Variants in SPIDR observed in about 807,000 individuals in gnomAD.
The protein encoded by SPIDR is scaffold protein involved in DNA repair.
Under a neutral mutation model 104.6 loss-of-function variants are expected in SPIDR, and 93 were observed. The ratio of observed to expected loss-of-function variants is 0.89; its 90% CI spans 0.75 to 1.06. The LOEUF (loss-of-function observed/expected upper bound fraction) is 1.06, where lower values mean the gene tolerates loss of function less well. SPIDR is among the 50% of genes least tolerant of loss of function. The probability of loss-of-function intolerance (pLI) is 0.00; values close to 1 mark genes in which losing one functional copy is unlikely to be tolerated. For synonymous variants in SPIDR, 431 were observed against 416.9 expected, an observed-to-expected ratio of 1.03 and a Z score of -0.41; for missense variants, 1,154 against 1,111.2, an observed-to-expected ratio of 1.04 and a Z score of -0.55.
Position 47,486,514 on chromosome 8 carries a change from T to C in SPIDR, c.1097+45972T>C, listed in dbSNP as rs1192961471. ...GAAATAGAGAACGCCACAAAGATAC[T>C]CCTCGAGAAGAGCAACTCCAAGACA... is the stretch of plus-strand genomic sequence containing the variant. On this transcript the variant is annotated intron_variant, in intron 8 of 19. Coordinates refer to ENST00000297423, the MANE Select transcript of SPIDR (RefSeq NM_001080394.4). Among the ~76,000 whole-genome samples the C allele has an allele frequency of 2.0e-5, 3 of 152,098 alleles. No homozygotes were observed. In the East Asian group the frequency reaches 5.8e-4, roughly 29 times the overall value.
At chr8:47,466,899 AAATAT>A (rs1425257944) in intron 8 of SPIDR, among the ~76,000 whole-genome samples, 1 of 75,370 alleles carries the variant, frequency 1.3e-5, no homozygotes, top group African/African-American at 5.7e-5. Flanking sequence ...AAAAAAAAAA[AAATAT>A]ATATATATAT....
intron 5 of SPIDR, among the ~76,000 whole-genome samples, chr8:47,327,298 TATAAG>T (rs1323205227): frequency 1.3e-5 from 2 of 152,232 alleles, no homozygotes; most frequent in Non-Finnish European, 2.9e-5. Flanking sequence ...CTGGTTGTGT[TATAAG>T]AGAATGATCT....
Position 47,279,844 on chromosome 8 carries a change from TA to T in SPIDR, c.34-13del. 6.3e-7 allele frequency: 1 copy of T among 1,577,134 alleles called. No homozygotes were observed. The highest frequency in any genetic ancestry group is 8.6e-7 in the Non-Finnish European group (1 of 1,161,426). On this transcript the variant is annotated splice_polypyrimidine_tract_variant and intron_variant, in intron 1 of 19. Transcript: ENST00000297423. ...TGTTTTTTTGTTTCGATTTTTCTTT[TA>T]AAAATCATCTCCACAGAGAAAAAGG...
chr8:47,603,386 C>T (rs1166864476), intron 10 of SPIDR, among the ~76,000 whole-genome samples: 1 of 151,718 alleles, frequency 6.6e-6, no homozygotes, highest in Non-Finnish European at 1.5e-5. Flanking sequence ...ACCTAGGGAC[C>T]AGTAATTTAT....
intron 8 of SPIDR, among the ~76,000 whole-genome samples, chr8:47,488,695 A>G (rs2078130628): frequency 6.6e-6 from 1 of 152,222 alleles, no homozygotes; most frequent in South Asian, 2.1e-4. Flanking sequence ...GGCAGGTTCA[A>G]CATACGCAAA....
intron 11 of SPIDR, among the ~76,000 whole-genome samples, chr8:47,688,016 A>AGTGTGTGTGTGTGTGTGT (rs141582845): frequency 3.4e-5 from 5 of 145,676 alleles, no homozygotes; most frequent in African/African-American, 5.0e-5. Context: ...AAAAAAAAAA[A>AGTGTGTGTGTGTGTGTGT]GTGTGTGTGT....
At chr8:47,277,445 A>C (rs1325113659) in intron 1 of SPIDR, among the ~76,000 whole-genome samples, 5 of 151,646 alleles carry the variant, frequency 3.3e-5, no homozygotes, top group Non-Finnish European at 7.4e-5. Flanking sequence ...AGCTTACTGC[A>C]GCCTCAAACT....
chr8:47,319,868 A>G (rs199508782), intron 5 of SPIDR, among the ~76,000 whole-genome samples: 15 of 151,740 alleles, frequency 9.9e-5, no homozygotes, highest in East Asian at 2.0e-4. Context: ...ACGAAATGAA[A>G]GCAGAAATAA....
At chr8:47,730,202 T>TA (rs1172292222) in intron 19 of SPIDR, among the ~76,000 whole-genome samples, 2 of 152,188 alleles carry the variant, frequency 1.3e-5, no homozygotes, top group African/African-American at 4.8e-5. Context: ...GTGGTGAATC[T>TA]TAGTAAAGCA....
rs150677034 is a variant in SPIDR at position 47,610,477 on chromosome 8, G to C, written c.1544+11281G>C. On this transcript the variant is annotated intron_variant, in intron 10 of 19. Transcript: ENST00000297423. ...TGACCCAACTTGACTTCCTCCTCTA[G>C]CTGAGCCACCGCACCTTGCTGCCCC... 8.2e-4 allele frequency among the ~76,000 whole-genome samples: 125 copies of C among 152,308 alleles called. 2 individuals are homozygous for C. The highest frequency in any genetic ancestry group is 3.5e-4 in the Non-Finnish European group (24 of 68,028).
rs967858935 is a variant in SPIDR at position 47,556,320 on chromosome 8, C to T, written c.1098-39491C>T. 9.2e-5 allele frequency among the ~76,000 whole-genome samples: 14 copies of T among 152,200 alleles called. 1 individual carries two copies. Among genetic ancestry groups the T allele is most frequent in the Admixed American group, 9.2e-4 (14 of 15,288 alleles). ...TTGTTCCATACTGAATCTCAGCCTG[C>T]CTCCACCTCTTCCTTCCATTCATTG... On this transcript the variant is annotated intron_variant, in intron 8 of 19. Transcript: ENST00000297423.
At chr8:47,509,688 C>T (rs765681709) in intron 8 of SPIDR, among the ~76,000 whole-genome samples, 1 of 152,094 alleles carries the variant, frequency 6.6e-6, no homozygotes, top group Admixed American at 6.5e-5. Flanking sequence ...GTATGGTATT[C>T]GTAAAACTAG....
intron 5 of SPIDR, among the ~76,000 whole-genome samples, chr8:47,315,152 GA>G (rs2045076859): frequency 6.6e-6 from 1 of 152,004 alleles, no homozygotes; most frequent in African/African-American, 2.4e-5. Flanking sequence ...GTAACTTATA[GA>G]AAACCTAGAC....
intron 5 of SPIDR, among the ~76,000 whole-genome samples, chr8:47,395,177 C>A (rs1437607248): frequency 6.6e-6 from 1 of 151,802 alleles, no homozygotes; most frequent in Admixed American, 6.6e-5. Flanking sequence ...GGTGAAACCC[C>A]GTCTCTACTA....
intron 4 of SPIDR, 151 bp from the exon 5 acceptor site, chr8:47,293,716 A>G (rs1425452246): frequency 7.2e-6 from 6 of 832,356 alleles, no homozygotes; most frequent in African/African-American, 7.0e-5. Flanking sequence ...CCAAAGCGCT[A>G]GGATTACAGG....
intron 8 of SPIDR, among the ~76,000 whole-genome samples, chr8:47,563,887 T>C (rs2057403500): frequency 6.6e-6 from 1 of 152,138 alleles, no homozygotes; most frequent in South Asian, 2.1e-4. Flanking sequence ...AATGTCTATT[T>C]AACACAATAT....
chr8:47,267,720 C>T (rs1241871127), intron 1 of SPIDR, among the ~76,000 whole-genome samples: 4 of 152,184 alleles, frequency 2.6e-5, no homozygotes, highest in Non-Finnish European at 5.9e-5. Context: ...TGTGGAATCA[C>T]GAGTTCTTTA....
chr8:47,350,019 T>G (rs556387402), intron 5 of SPIDR, among the ~76,000 whole-genome samples: 3 of 152,302 alleles, frequency 2.0e-5, no homozygotes, highest in African/African-American at 7.2e-5. Flanking sequence ...GGTACCTCCT[T>G]TGGAAATGCA....
intron 14 of SPIDR, among the ~76,000 whole-genome samples, chr8:47,703,536 T>C (rs982302272): frequency 5.3e-5 from 8 of 152,234 alleles, no homozygotes; most frequent in African/African-American, 1.9e-4. Flanking sequence ...CAGCTCCACC[T>C]TGCAGTGCAA....
Sources: allele counts gnomAD v4.1 joint callset (sites outside exome capture counted in the v4.1 genomes callset), GRCh38; gene constraint gnomAD v4.1.1; transcripts MANE v1.5; gene names NCBI Gene and HGNC (gene_info 2026-07-23, HGNC 2026-07-21).